Variants in LRP1B observed in about 807,000 individuals in gnomAD.
LRP1B encodes the protein low-density lipoprotein receptor-related protein 1B.
LRP1B carries 217 observed loss-of-function variants against 556.6 expected under a neutral mutation model. That is an observed-to-expected ratio of 0.39 (90% CI 0.35 to 0.44). LRP1B has a LOEUF of 0.44. Ranked by LOEUF, LRP1B falls within the 20% of genes least tolerant of loss-of-function variation. The pLI is 1.00. For missense variants in LRP1B, 5,053 were observed against 5,620.8 expected (o/e 0.90, Z 3.23); for synonymous variants, 2,047 against 1,865.8 (o/e 1.10, Z -2.50).
chr2:141,712,992 T>C (rs1422266757), intron 2 of LRP1B, among the ~76,000 whole-genome samples: 1 of 151,882 alleles, frequency 6.6e-6, no homozygotes, highest in Non-Finnish European at 1.5e-5. Flanking sequence ...ATTATATATC[T>C]TCAAGTATAC....
intron 66 of LRP1B, among the ~76,000 whole-genome samples, chr2:140,429,744 C>T (rs991055388): frequency 1.3e-5 from 2 of 152,168 alleles, no homozygotes; most frequent in Non-Finnish European, 2.9e-5. Context: ...GTCCAAACAA[C>T]TTGACCTTAC....
At chr2:141,675,495 C>T (rs781642931) in intron 2 of LRP1B, among the ~76,000 whole-genome samples, 3 of 144,590 alleles carry the variant, frequency 2.1e-5, no homozygotes, top group Non-Finnish European at 3.0e-5. Context: ...TCTTGATCAC[C>T]TTGGGAAAAC....
At chr2:141,382,739 T>A (rs1689685464) in intron 3 of LRP1B, among the ~76,000 whole-genome samples, 1 of 152,188 alleles carries the variant, frequency 6.6e-6, no homozygotes, top group South Asian at 2.1e-4. Flanking sequence ...AAAGATAATT[T>A]TCCTTGAGCA....
At chr2:141,054,309 G>A (rs1445077751) in intron 10 of LRP1B, among the ~76,000 whole-genome samples, 1 of 151,838 alleles carries the variant, frequency 6.6e-6, no homozygotes, top group Non-Finnish European at 1.5e-5. Flanking sequence ...ACTGTAAAAA[G>A]CAGTCATCAT....
chr2:140,763,953 G>A (rs1689015283), intron 35 of LRP1B, among the ~76,000 whole-genome samples: 1 of 152,070 alleles, frequency 6.6e-6, no homozygotes, highest in African/African-American at 2.4e-5. Flanking sequence ...AGAAGAAATT[G>A]AAGCAGCTCT....
At chr2:141,211,683 A>T (rs1197525445) in intron 6 of LRP1B, among the ~76,000 whole-genome samples, 1 of 152,192 alleles carries the variant, frequency 6.6e-6, no homozygotes, top group Admixed American at 6.5e-5. Flanking sequence ...ACGGATCATA[A>T]ATCAGAACAG....
At chr2:140,572,279 C>A (rs1009726654) in intron 43 of LRP1B, among the ~76,000 whole-genome samples, 2 of 150,780 alleles carry the variant, frequency 1.3e-5, no homozygotes, top group Non-Finnish European at 3.0e-5. Context: ...CATAAGGAAC[C>A]TAAAAAGCTC....
At chr2:141,042,168 G>A (rs142875128) in intron 11 of LRP1B, among the ~76,000 whole-genome samples, 1 of 152,194 alleles carries the variant, frequency 6.6e-6, no homozygotes, top group Non-Finnish European at 1.5e-5. Context: ...ATGTTAATAA[G>A]GTAAATGTCC....
intron 77 of LRP1B, among the ~76,000 whole-genome samples, chr2:140,342,152 T>C (rs1294240149): frequency 6.6e-6 from 1 of 151,522 alleles, no homozygotes; most frequent in East Asian, 1.9e-4. Context: ...TTATAATTAT[T>C]CTTTCAACTT....
chr2:141,891,055 A>G (rs978276388), intron 1 of LRP1B, among the ~76,000 whole-genome samples: 1 of 152,090 alleles, frequency 6.6e-6, no homozygotes, highest in Non-Finnish European at 1.5e-5. Context: ...GGCAAAGATT[A>G]CCTCTCTTGA....
At chr2:140,380,646 A>G in intron 67 of LRP1B, among the ~76,000 whole-genome samples, 1 of 152,212 alleles carries the variant, frequency 6.6e-6, no homozygotes. Context: ...ATTTCATAGA[A>G]TTGGGAGTTG....
intron 3 of LRP1B, among the ~76,000 whole-genome samples, chr2:141,281,658 T>G (rs976153951): frequency 6.6e-6 from 1 of 152,042 alleles, no homozygotes; most frequent in African/African-American, 2.4e-5. Flanking sequence ...GTCAGTAAAT[T>G]TACATAACTG....
intron 18 of LRP1B, among the ~76,000 whole-genome samples, chr2:140,954,754 T>C (rs2105306996): frequency 6.6e-6 from 1 of 152,126 alleles, no homozygotes; most frequent in African/African-American, 2.4e-5. Flanking sequence ...CATAAACACA[T>C]ATAATGTAAA....
At chr2:140,648,171 G>A (rs1684551319) in intron 41 of LRP1B, among the ~76,000 whole-genome samples, 1 of 151,968 alleles carries the variant, frequency 6.6e-6, no homozygotes, top group Non-Finnish European at 1.5e-5. Flanking sequence ...CCATCAATCT[G>A]AGCAAACTAT....
At chr2:140,445,971 T>G (rs1686641876) in intron 63 of LRP1B, among the ~76,000 whole-genome samples, 1 of 152,118 alleles carries the variant, frequency 6.6e-6, no homozygotes, top group Non-Finnish European at 1.5e-5. Flanking sequence ...AGAAATAAAT[T>G]ATGCTTTTAT....
intron 21 of LRP1B, among the ~76,000 whole-genome samples, 153 bp downstream of exon 21, chr2:140,922,812 C>A (rs181533418): frequency 6.6e-6 from 1 of 152,152 alleles, no homozygotes; most frequent in African/African-American, 2.4e-5. Context: ...ATTGATAGTT[C>A]TCCCTAAATG....
At chr2:141,463,820 A>T (rs1682045203) in intron 3 of LRP1B, among the ~76,000 whole-genome samples, 1 of 144,372 alleles carries the variant, frequency 6.9e-6, no homozygotes, top group Non-Finnish European at 1.5e-5. Flanking sequence ...AATTTATCCA[A>T]ATTATATATA....
chr2:140,810,474 T>C, intron 32 of LRP1B, among the ~76,000 whole-genome samples: 1 of 46,498 alleles, frequency 2.2e-5, no homozygotes. Context: ...TTTTCATTGT[T>C]TTTTTTTATA....
At chr2:141,506,902 G>A (rs1310077571) in intron 2 of LRP1B, among the ~76,000 whole-genome samples, 1 of 152,014 alleles carries the variant, frequency 6.6e-6, no homozygotes, top group East Asian at 1.9e-4. Context: ...TATATTATGT[G>A]TAAATGATGA....
Sources: allele counts gnomAD v4.1 joint callset (sites outside exome capture counted in the v4.1 genomes callset), GRCh38; gene constraint gnomAD v4.1.1; transcripts MANE v1.5; gene names NCBI Gene and HGNC (gene_info 2026-07-23, HGNC 2026-07-21).